The following RBM33 variants were observed in gnomAD, a reference collection of about 807,000 sequenced individuals.
The protein encoded by RBM33 is RNA-binding protein 33.
RBM33 carries 28 observed loss-of-function variants against 132.6 expected under a neutral mutation model. That is an observed-to-expected ratio of 0.21 (90% CI 0.16 to 0.29). The LOEUF (loss-of-function observed/expected upper bound fraction) is 0.29, where lower values mean the gene tolerates loss of function less well. RBM33 is among the 10% of genes least tolerant of loss of function. The pLI is 1.00. For synonymous variants in RBM33, 634 were observed against 593.0 expected (o/e 1.07, Z -1.01); for missense variants, 1,291 against 1,518.5 (o/e 0.85, Z 2.49).
intron 7 of RBM33, among the ~76,000 whole-genome samples, chr7:155,709,154 T>C (rs964422552): frequency 6.6e-6 from 1 of 152,146 alleles, no homozygotes; most frequent in African/African-American, 2.4e-5. Context: ...CTTTTTATTT[T>C]CAAATTAAAC....
chr7:155,673,940 G>GTTGTTGTTTGTTTGTTTTTTTTTTTTT, intron 3 of RBM33, among the ~76,000 whole-genome samples: 4 of 54,214 alleles, frequency 7.4e-5, no homozygotes, highest in Admixed American at 2.6e-4. Flanking sequence ...TTTAGGCTTA[G>GTTGTTGTTTGTTTGTTTTTTTTTTTTT]TTTTTTTTTT....
Position 155,766,468 on chromosome 7 carries a change from C to A in RBM33, c.3188C>A (p.Ala1063Asp). The A allele has an allele frequency of 6.2e-7, 1 of 1,613,066 alleles. No individual in the cohort carries two copies. ...ATGTATTTCCTTTGTTGTCACCAGG[C>A]CATCATGCACGGACGAGGCAGAGGA... ...SIQGIHPAKK[A>D]IMHGRGRGVA... The change falls in exon 16 of 18, where the codon GCC becomes GAC. Residue 1063 changes from alanine to aspartate, a missense_variant and splice_region_variant. Physicochemically the swap from Ala to Asp is moderately radical, Grantham distance 126 (BLOSUM62 -2). Around this residue, in one of 7 missense-constraint regions of RBM33, gnomAD observed 841 missense variants for 912.0 expected, o/e 0.92. Coordinates refer to ENST00000401878, the MANE Select transcript of RBM33 (RefSeq NM_053043.3).
intron 1 of RBM33, among the ~76,000 whole-genome samples, chr7:155,646,663 G>T (rs1420490729): frequency 1.3e-5 from 2 of 152,230 alleles, no homozygotes; most frequent in Admixed American, 6.5e-5. Flanking sequence ...AGAATTCATT[G>T]TATCTGAGGA....
At chr7:155,752,851 A>G (rs1801728503) in intron 14 of RBM33, among the ~76,000 whole-genome samples, 1 of 152,126 alleles carries the variant, frequency 6.6e-6, no homozygotes, top group African/African-American at 2.4e-5. Flanking sequence ...GGCCGCTCCC[A>G]CGCACACTGG....
chr7:155,711,909 G>A (rs985113651), intron 8 of RBM33, among the ~76,000 whole-genome samples: 16 of 152,246 alleles, frequency 1.1e-4, no homozygotes, highest in African/African-American at 2.9e-4. Context: ...CACTGAAGCC[G>A]TCTCTGCGGC....
At chr7:155,749,271 A>G (rs1481796855) in intron 14 of RBM33, among the ~76,000 whole-genome samples, 1 of 152,174 alleles carries the variant, frequency 6.6e-6, no homozygotes, top group African/African-American at 2.4e-5. Flanking sequence ...GAAATAAATT[A>G]TGTGATTTTT....
In RBM33 at chr7:155,673,943, T is replaced by TTTTTTG. The variant is rs1563138292; in HGVS notation, c.171+1033_171+1034insGTTTTT. 2.6e-3 allele frequency among the ~76,000 whole-genome samples: 45 copies of TTTTTTG among 17,336 alleles called. 1 individual carries two copies. Among genetic ancestry groups the TTTTTTG allele is most frequent in the African/African-American group, 0.011 (45 of 4,012 alleles). The allele number at this position is 17,336 out of a possible 152,430, so 11.4% of individuals were successfully genotyped here. A position where few individuals can be genotyped will look rare whatever the true frequency, so the allele number is the denominator to read the frequency against. On this transcript the variant is annotated intron_variant, in intron 3 of 17. Transcript: ENST00000401878. ...TTATCAAGATAGTTTAGGCTTAGTT[T>TTTTTTG]TTTTTTTTTTTTTTTTTTTTTTTTT...
chr7:155,736,970 G>T (rs1210770578), intron 9 of RBM33, among the ~76,000 whole-genome samples: 1 of 152,176 alleles, frequency 6.6e-6, no homozygotes, highest in Admixed American at 6.5e-5. Context: ...TTGTGTAACA[G>T]TTTTTATGTT....
rs60811831 is a variant in RBM33, at chr7:155,724,260, T to C, written c.1260+5817T>C. Among the ~76,000 whole-genome samples the C allele has an allele frequency of 2.3e-4, 35 of 152,272 alleles. No individual in the cohort carries two copies. In the East Asian group the frequency reaches 6.4e-3, roughly 28 times the overall value. On this transcript the variant is annotated intron_variant, in intron 9 of 17. Coordinates refer to ENST00000401878, the MANE Select transcript of RBM33 (RefSeq NM_053043.3). The stretch of plus-strand genomic sequence containing the variant: ...TTTATTATAAAGTATCAAAAGCAAT[T>C]CTTCTGGCCAGCGCTCCCAGCACTT...
chr7:155,673,940 G>GTTGTTGTTTGTTTGTTT, intron 3 of RBM33, among the ~76,000 whole-genome samples: 5 of 54,196 alleles, frequency 9.2e-5, no homozygotes, highest in East Asian at 6.8e-4. Context: ...TTTAGGCTTA[G>GTTGTTGTTTGTTTGTTT]TTTTTTTTTT....
intron 5 of RBM33, among the ~76,000 whole-genome samples, chr7:155,694,635 T>C (rs534874061): frequency 6.6e-6 from 1 of 152,346 alleles, no homozygotes; most frequent in Middle Eastern, 3.4e-3. Flanking sequence ...TATACCTAGA[T>C]TGGCATTTCC....
At chr7:155,661,146 A>ATTTT (rs3080619) in intron 1 of RBM33, among the ~76,000 whole-genome samples, 4,129 of 80,686 alleles carry the variant, frequency 0.051, 370 homozygotes, top group African/African-American at 0.15. Flanking sequence ...ATATATATAT[A>ATTTT]TTTTTTTTTT....
Position 155,778,273 on chromosome 7 carries a change from G to A in RBM33, c.*3232G>A, listed in dbSNP as rs1183745501. 1 of 152,244 alleles carries A rather than the reference G, an allele frequency of 6.6e-6. No homozygotes were observed. Among genetic ancestry groups the A allele is most frequent in the Non-Finnish European group, 1.5e-5 (1 of 68,040 alleles). The allele number at this position is 152,244 out of a possible 1,614,324, so 9.4% of individuals were successfully genotyped here. The stretch of plus-strand genomic sequence containing the variant: ...CTCAGGCAAACAGTTGTTGAAGCTT[G>A]CTTCTGTGGCATTTCTGAATTGTGG... On this transcript the variant is annotated 3_prime_UTR_variant, in exon 18 of 18. Transcript: ENST00000401878. This position sits in a 1 kb window ranked among gnomAD's most constrained non-coding sequence, Gnocchi z 4.0.
intron 1 of RBM33, among the ~76,000 whole-genome samples, chr7:155,653,878 G>A (rs1053309451): frequency 6.6e-5 from 10 of 152,262 alleles, no homozygotes; most frequent in Non-Finnish European, 1.5e-4. Context: ...GAGTAGCCTG[G>A]GCACCTCATT....
chr7:155,698,383 T>A (rs1799859654), intron 5 of RBM33, among the ~76,000 whole-genome samples: 1 of 150,744 alleles, frequency 6.6e-6, no homozygotes, highest in African/African-American at 2.4e-5. Flanking sequence ...AAAAAAAAAT[T>A]ATACAGGAGG....
At chr7:155,706,770 C>T in intron 6 of RBM33, 90 bp from the exon 7 acceptor site, 1 of 1,090,490 alleles carries the variant, frequency 9.2e-7, no homozygotes, top group Non-Finnish European at 1.3e-6. Context: ...GGCAGAGTTT[C>T]ATTGTCACAT....
Position 155,766,669 on chromosome 7 carries a change from G to A in RBM33, c.3375+14G>A, listed in dbSNP as rs1484717375. 8 of 1,602,908 alleles carry A rather than the reference G, an allele frequency of 5.0e-6. No individual in the cohort carries two copies. The highest frequency in any genetic ancestry group is 6.0e-6 in the Non-Finnish European group (7 of 1,174,800). ...GGACCCATTCAGGTAGCCGCCTGGG[G>A]GTGGCATCTGTGCCACGGGTAGTTG... On this transcript the variant is annotated intron_variant, in intron 16 of 17. Transcript: ENST00000401878.
chr7:155,729,691 C>T (rs1022183462), intron 9 of RBM33, among the ~76,000 whole-genome samples: 3 of 150,592 alleles, frequency 2.0e-5, no homozygotes, highest in Non-Finnish European at 4.4e-5. Context: ...GAGCTGTGAT[C>T]GCACCGCTAT....
At position 155,777,759 on chromosome 7, in the gene RBM33, A is replaced by G. The variant is rs1268312890; in HGVS notation, c.*2718A>G. The G allele has an allele frequency of 6.6e-6, 1 of 152,664 alleles. No individual in the cohort carries two copies. The highest frequency in any genetic ancestry group is 1.5e-5 in the Non-Finnish European group (1 of 68,044). The allele number at this position is 152,664 out of a possible 1,614,324, so 9.5% of individuals were successfully genotyped here. A position where few individuals can be genotyped will look rare whatever the true frequency, so the allele number is the denominator to read the frequency against. On this transcript the variant is annotated 3_prime_UTR_variant, in exon 18 of 18. Coordinates refer to ENST00000401878, the MANE Select transcript of RBM33 (RefSeq NM_053043.3). ...GTGTTGTCTTATCAAAGTTTAATGG[A>G]TACAGTTCCACAGTTGTTGATGTGT...
Sources: allele counts gnomAD v4.1 joint callset (sites outside exome capture counted in the v4.1 genomes callset), GRCh38; gene constraint gnomAD v4.1.1; regional missense constraint gnomAD v4.1.1; non-coding constraint Gnocchi (gnomAD v3.1); transcripts MANE v1.5; gene names NCBI Gene and HGNC (gene_info 2026-07-23, HGNC 2026-07-21).